Variants in GLYAT observed in about 807,000 individuals in gnomAD.
GLYAT encodes glycine N-acyltransferase.
GLYAT carries 25 observed loss-of-function variants against 22.8 expected under a neutral mutation model. The observed-to-expected ratio is 1.09, with a 90% confidence interval of 0.80 to 1.53. The LOEUF is 1.53. GLYAT is among the 40% of genes most tolerant of loss of function. The pLI is 0.00. For missense variants in GLYAT, 411 were observed against 353.9 expected, an observed-to-expected ratio of 1.16 and a Z score of -1.29; for synonymous variants, 140 against 122.7, an observed-to-expected ratio of 1.14 and a Z score of -0.93.
rs1244717886 is a variant in GLYAT, at chr11:58,714,364, G to A, written c.189+952C>T. On this transcript the variant is annotated intron_variant, in intron 3 of 5. Coordinates refer to ENST00000344743, the MANE Select transcript of GLYAT (RefSeq NM_201648.3). The stretch of plus-strand genomic sequence containing the variant: ...AAGTGATTTTTAAATAACTTTATTA[G>A]CATTAAAAGTATATTTGTGTTTTCT... Among the ~76,000 whole-genome samples the A allele has an allele frequency of 2.0e-5, 3 of 152,244 alleles. No homozygotes were observed. In the East Asian group the frequency reaches 5.8e-4, roughly 29 times the overall value.
intron 4 of GLYAT, among the ~76,000 whole-genome samples, chr11:58,711,605 G>T (rs1482555258): frequency 6.6e-6 from 1 of 152,062 alleles, no homozygotes. Flanking sequence ...AAGTTTTCTG[G>T]GCTGCGTAAT....
At chr11:58,729,376 T>C (rs926238540) in intron 1 of GLYAT, among the ~76,000 whole-genome samples, 1 of 152,222 alleles carries the variant, frequency 6.6e-6, no homozygotes, top group Admixed American at 6.5e-5. Context: ...TTTAATTATA[T>C]AACTTGTTAT....
intron 2 of GLYAT, among the ~76,000 whole-genome samples, chr11:58,719,173 G>A (rs1856719352): frequency 6.6e-6 from 1 of 151,896 alleles, no homozygotes; most frequent in South Asian, 2.1e-4. Context: ...TACAAAATAG[G>A]ATTATAGGTC....
chr11:58,731,496 G>A (rs1470905279), intron 1 of GLYAT, among the ~76,000 whole-genome samples: 2 of 151,942 alleles, frequency 1.3e-5, no homozygotes, highest in African/African-American at 2.4e-5. Context: ...CACAATACGG[G>A]CACTTTAATT....
chr11:58,716,450 A>G (rs981709783), intron 2 of GLYAT, among the ~76,000 whole-genome samples: 1 of 152,014 alleles, frequency 6.6e-6, no homozygotes, highest in African/African-American at 2.4e-5. Context: ...CTCTAAATCG[A>G]CTAAGTCTGA....
intron 2 of GLYAT, among the ~76,000 whole-genome samples, chr11:58,722,672 G>A (rs1326291069): frequency 1.3e-5 from 2 of 152,094 alleles, no homozygotes; most frequent in Admixed American, 6.6e-5. Context: ...GCCCTAAGCA[G>A]TTTCCAGCTT....
At chr11:58,715,223 C>T in intron 3 of GLYAT, 93 bp downstream of exon 3, 1 of 643,720 alleles carries the variant, frequency 1.6e-6, no homozygotes, top group East Asian at 2.7e-5. Context: ...CTATGATTTA[C>T]TTCTGCATGC....
chr11:58,713,582 A>C (rs1167802236), intron 3 of GLYAT, among the ~76,000 whole-genome samples: 2 of 152,198 alleles, frequency 1.3e-5, no homozygotes, highest in Non-Finnish European at 2.9e-5. Context: ...TTCTTTAAAA[A>C]ATATGTTGGT....
intron 2 of GLYAT, among the ~76,000 whole-genome samples, chr11:58,718,674 T>G (rs1030162599): frequency 2.0e-5 from 3 of 151,522 alleles, no homozygotes; most frequent in Non-Finnish European, 2.9e-5. Flanking sequence ...ACAAGAAAAT[T>G]TATTACTTCT....
chr11:58,714,950 G>T (rs17152916), intron 3 of GLYAT, among the ~76,000 whole-genome samples: 27,651 of 151,530 alleles, frequency 0.18, 2,670 homozygotes, highest in East Asian at 0.26. Context: ...TATTTTCTCT[G>T]CTTAGAATGT....
Position 58,712,879 on chromosome 11 carries a change from G to C in GLYAT, c.197C>G (p.Thr66Arg). 6.3e-7 allele frequency: 1 copy of C among 1,593,326 alleles called. No homozygotes were observed. Among genetic ancestry groups the C allele is most frequent in the Non-Finnish European group, 8.6e-7 (1 of 1,162,470 alleles). Residue 66 changes from threonine (T) to arginine (R), a missense_variant, in exon 4 of 6, where the codon ACA (threonine) becomes AGA (arginine). Transcript: ENST00000344743. ...VVVCPQEQDMTDDLDHYTNTY... is the reference protein window; with the variant it reads ...VVVCPQEQDMRDDLDHYTNTY... ...ATTGGTATAGTGATCAAGGTCATCTGTCATATCCTGTTATCATTAGGAAAA... is the reference window on the plus strand; with the variant it reads ...ATTGGTATAGTGATCAAGGTCATCTCTCATATCCTGTTATCATTAGGAAAA...
At chr11:58,720,325 C>G (rs116594817) in intron 2 of GLYAT, among the ~76,000 whole-genome samples, 2,747 of 151,948 alleles carry the variant, frequency 0.018, 76 homozygotes, top group African/African-American at 0.062. Flanking sequence ...ACCAATTTGC[C>G]TACAAATATT....
At chr11:58,717,579 A>G (rs1856699497) in intron 2 of GLYAT, among the ~76,000 whole-genome samples, 1 of 152,114 alleles carries the variant, frequency 6.6e-6, no homozygotes, top group Non-Finnish European at 1.5e-5. Flanking sequence ...AAATAAATTT[A>G]AAACATTATT....
chr11:58,719,408 A>G (rs934235202), intron 2 of GLYAT, among the ~76,000 whole-genome samples: 8 of 151,998 alleles, frequency 5.3e-5, no homozygotes, highest in Admixed American at 5.3e-4. Context: ...TTTATTAAAG[A>G]GTTGGTTAAT....
chr11:58,709,922 A>G lies in GLYAT; in HGVS notation c.735T>C (p.Tyr245=). ...ATTTCTGGGCGTGGGAATAGATGACATACGTCACAAGGCCATGGAGCCGGT... is the reference window on the plus strand; with the variant it reads ...ATTTCTGGGCGTGGGAATAGATGACGTACGTCACAAGGCCATGGAGCCGGT... ...PEYRLHGLVT[Y]VIYSHAQKLG... Residue 245 remains tyrosine, a synonymous_variant, in exon 6 of 6, where the codon TAT becomes TAC. Coordinates refer to ENST00000344743, the MANE Select transcript of GLYAT (RefSeq NM_201648.3). 1 of 1,614,110 alleles carries G rather than the reference A, an allele frequency of 6.2e-7. No homozygotes were observed. Among genetic ancestry groups the G allele is most frequent in the Non-Finnish European group, 8.5e-7 (1 of 1,179,984 alleles).
chr11:58,721,347 A>G (rs1435182713), intron 2 of GLYAT, among the ~76,000 whole-genome samples: 2 of 144,894 alleles, frequency 1.4e-5, no homozygotes, highest in Non-Finnish European at 3.0e-5. Context: ...TTTTTCTTTT[A>G]GCCAAATTAA....
intron 1 of GLYAT, among the ~76,000 whole-genome samples, chr11:58,725,055 C>T (rs1428685954): frequency 6.6e-6 from 1 of 152,070 alleles, no homozygotes; most frequent in African/African-American, 2.4e-5. Flanking sequence ...TTTCTTCTTT[C>T]CCCCACTTGA....
At chr11:58,728,538 T>C (rs1193318192) in intron 1 of GLYAT, 1 of 152,092 alleles carries the variant, frequency 6.6e-6, no homozygotes, top group East Asian at 1.9e-4. Flanking sequence ...GAACTTGAAT[T>C]TACCTTTCCA....
intron 4 of GLYAT, among the ~76,000 whole-genome samples, chr11:58,711,024 A>G (rs1422019488): frequency 6.6e-6 from 1 of 152,206 alleles, no homozygotes; most frequent in Non-Finnish European, 1.5e-5. Context: ...GCATTCTTAG[A>G]TAACTGCTAG....
Sources: gnomAD v4.1 joint callset for allele counts (sites outside exome capture counted in the v4.1 genomes callset) on GRCh38, gnomAD v4.1.1 for gene constraint, MANE v1.5 for transcripts, NCBI Gene and HGNC (gene_info 2026-07-23, HGNC 2026-07-21) for gene names.